CNTN4: variants seen among roughly 807,000 people sequenced by gnomAD.
CNTN4 encodes the protein contactin-4.
Under a neutral mutation model 122.5 loss-of-function variants are expected in CNTN4, and 77 were observed. That is an observed-to-expected ratio of 0.63 (90% CI 0.52 to 0.76). CNTN4 has a LOEUF of 0.76. Ranked by LOEUF, CNTN4 falls within the 30% of genes least tolerant of loss-of-function variation. The pLI is 0.00. For synonymous variants in CNTN4, 512 were observed against 447.0 expected (o/e 1.15, Z -1.83); for missense variants, 1,256 against 1,259.1 (o/e 1.00, Z 0.04).
At chr3:2,639,472 G>A (rs1331090219) in intron 4 of CNTN4, among the ~76,000 whole-genome samples, 1 of 152,016 alleles carries the variant, frequency 6.6e-6, no homozygotes, top group Non-Finnish European at 1.5e-5. Context: ...TGCATCTTAC[G>A]CACTTCCCTC....
intron 13 of CNTN4, among the ~76,000 whole-genome samples, chr3:2,937,187 A>G (rs764287914): frequency 6.6e-6 from 1 of 152,156 alleles, no homozygotes; most frequent in African/African-American, 2.4e-5. Context: ...TTTTGATTAA[A>G]TTGTCACTTC....
intron 4 of CNTN4, among the ~76,000 whole-genome samples, chr3:2,729,395 A>G (rs111438799): frequency 0.21 from 31,546 of 148,970 alleles, 4,231 homozygotes; most frequent in Non-Finnish European, 0.31. Flanking sequence ...TTAACAAAAA[A>G]TTAGCCGGGC....
At chr3:2,846,735 T>A (rs965456360) in intron 7 of CNTN4, among the ~76,000 whole-genome samples, 2 of 152,178 alleles carry the variant, frequency 1.3e-5, no homozygotes, top group African/African-American at 4.8e-5. Flanking sequence ...TATGCCAGTT[T>A]TACTTAGAGA....
intron 3 of CNTN4, among the ~76,000 whole-genome samples, chr3:2,375,792 A>C (rs1335514951): frequency 1.3e-5 from 2 of 152,190 alleles, no homozygotes. Flanking sequence ...GACATATGGT[A>C]AAAATCTAAG....
At chr3:2,439,012 GGT>G in intron 3 of CNTN4, among the ~76,000 whole-genome samples, 1 of 152,272 alleles carries the variant, frequency 6.6e-6, no homozygotes, top group South Asian at 2.1e-4. Context: ...CTGTGGCCAT[GGT>G]CACCCTGCTT....
At chr3:3,040,764 C>G (rs1378483832) in intron 20 of CNTN4, among the ~76,000 whole-genome samples, 1 of 152,038 alleles carries the variant, frequency 6.6e-6, no homozygotes, top group Non-Finnish European at 1.5e-5. Context: ...CCCATCTCTA[C>G]TAAAAATATA....
chr3:2,312,723 C>CT lies in CNTN4; in HGVS notation c.-144-26447dup, dbSNP rs563320025. 4.1e-4 allele frequency among the ~76,000 whole-genome samples: 63 copies of CT among 151,996 alleles called. 1 individual carries two copies. In the South Asian group the frequency reaches 0.012, roughly 29 times the overall value. ...GAACACAGCTTTTGAAAAAAATAAACTTTTTTTTCCAAATGTTGGAGAAAC... is the reference window on the plus strand; with the variant it reads ...GAACACAGCTTTTGAAAAAAATAAACTTTTTTTTTCCAAATGTTGGAGAAAC... On this transcript the variant is annotated intron_variant, in intron 2 of 24. Coordinates refer to ENST00000418658, the MANE Select transcript of CNTN4 (RefSeq NM_175607.3).
chr3:2,622,247 G>A (rs1410933560), intron 4 of CNTN4, among the ~76,000 whole-genome samples: 3 of 152,132 alleles, frequency 2.0e-5, no homozygotes, highest in Non-Finnish European at 4.4e-5. Context: ...CCAGATGAAA[G>A]TCCAGCTGAA....
chr3:3,035,343 A>G (rs530744103), intron 17 of CNTN4, among the ~76,000 whole-genome samples: 7 of 151,448 alleles, frequency 4.6e-5, no homozygotes, highest in African/African-American at 1.2e-4. Context: ...TGCTGGTTGT[A>G]TATGTATTTT....
chr3:2,643,293 C>T (rs937424039), intron 4 of CNTN4, among the ~76,000 whole-genome samples: 4 of 152,148 alleles, frequency 2.6e-5, no homozygotes, highest in Non-Finnish European at 1.5e-5. Context: ...CATGCCTCAG[C>T]CTCCAGACTG....
chr3:2,683,418 A>G (rs2085268678), intron 4 of CNTN4, among the ~76,000 whole-genome samples: 1 of 151,622 alleles, frequency 6.6e-6, no homozygotes, highest in Non-Finnish European at 1.5e-5. Context: ...TCCTGATACT[A>G]GTTTTCAATG....
At chr3:2,818,349 G>C (rs976267142) in intron 6 of CNTN4, among the ~76,000 whole-genome samples, 1 of 151,942 alleles carries the variant, frequency 6.6e-6, no homozygotes, top group Non-Finnish European at 1.5e-5. Context: ...ATTCCAATTT[G>C]TAACTGCAGC....
intron 3 of CNTN4, among the ~76,000 whole-genome samples, chr3:2,546,219 A>G (rs1398131346): frequency 1.3e-5 from 2 of 152,068 alleles, no homozygotes; most frequent in Non-Finnish European, 2.9e-5. Flanking sequence ...CATTCACTGC[A>G]GCACTATTCA....
chr3:2,557,745 T>A (rs1457640180), intron 3 of CNTN4, among the ~76,000 whole-genome samples: 1 of 146,614 alleles, frequency 6.8e-6, no homozygotes, highest in Non-Finnish European at 1.5e-5. Flanking sequence ...AGCAAGATTC[T>A]GTCTCAAAAA....
At chr3:2,890,462 A>G (rs1018064706) in intron 10 of CNTN4, among the ~76,000 whole-genome samples, 3 of 152,240 alleles carry the variant, frequency 2.0e-5, no homozygotes, top group Non-Finnish European at 4.4e-5. Flanking sequence ...TAGGAATTAT[A>G]AACCATGGGT....
intron 2 of CNTN4, among the ~76,000 whole-genome samples, chr3:2,251,595 C>T (rs931132447): frequency 6.6e-6 from 1 of 151,678 alleles, no homozygotes; most frequent in African/African-American, 2.4e-5. Context: ...ATTGCCGTTT[C>T]TGTATTTGGA....
rs527480804 is a variant in CNTN4 at position 2,261,698 on chromosome 3, T to A, written c.-144-77480T>A. On this transcript the variant is annotated intron_variant, in intron 2 of 24. Transcript: ENST00000418658. ...TATGGAATAGTGAAGGCCCGCTTGC[T>A]TCATTGTGCTTTCCTTTAAGTGGAG... Among the ~76,000 whole-genome samples, 5 of 152,338 alleles carry A rather than the reference T, an allele frequency of 3.3e-5. No individual in the cohort carries two copies. In the South Asian group the frequency reaches 1.0e-3, roughly 32 times the overall value.
At chr3:3,034,220 G>A (rs575940360) in intron 16 of CNTN4, among the ~76,000 whole-genome samples, 1 of 152,232 alleles carries the variant, frequency 6.6e-6, no homozygotes, top group African/African-American at 2.4e-5. Flanking sequence ...TACTCTTTAT[G>A]AAATCAGGAG....
chr3:2,930,738 A>C (rs904390753), intron 13 of CNTN4, among the ~76,000 whole-genome samples: 9 of 152,170 alleles, frequency 5.9e-5, no homozygotes, highest in Non-Finnish European at 8.8e-5. Flanking sequence ...GAATCTAGCC[A>C]ATTCCAGTTT....
Sources: allele counts gnomAD v4.1 joint callset (sites outside exome capture counted in the v4.1 genomes callset), GRCh38; gene constraint gnomAD v4.1.1; transcripts MANE v1.5; gene names NCBI Gene and HGNC (gene_info 2026-07-23, HGNC 2026-07-21).